The following RBMS3 variants were observed in gnomAD, a reference collection of about 807,000 sequenced individuals.
RBMS3 encodes the protein RNA-binding motif, single-stranded-interacting protein 3.
In RBMS3, 27 loss-of-function variants were observed where a neutral mutation model predicts 66.8. The observed-to-expected ratio is 0.40, with a 90% CI of 0.30 to 0.56. RBMS3 has a LOEUF of 0.56. Ranked by LOEUF, RBMS3 falls within the 20% of genes least tolerant of loss-of-function variation. The pLI is 0.40. For synonymous variants in RBMS3, 188 were observed against 183.0 expected, an observed-to-expected ratio of 1.03 and a Z score of -0.22; for missense variants, 513 against 549.5, an observed-to-expected ratio of 0.93 and a Z score of 0.66.
chr3:29,322,790 A>G lies in RBMS3; in HGVS notation c.75+41034A>G, dbSNP rs2035084775. ...CTCAAGACAAGGAGAGGGTTTATAA[A>G]TGATTGACAGAAGCTCTTTAGCTAC... On this transcript the variant is annotated intron_variant, in intron 1 of 14. Transcript: ENST00000383767. Among the ~76,000 whole-genome samples, 4 of 152,120 alleles carry G rather than the reference A, an allele frequency of 2.6e-5. No individual in the cohort carries two copies. The South Asian group carries it at 8.3e-4, about 31-fold the overall frequency.
intron 1 of RBMS3, among the ~76,000 whole-genome samples, chr3:29,350,124 C>T (rs996616110): frequency 1.3e-5 from 2 of 149,602 alleles, no homozygotes; most frequent in Non-Finnish European, 3.0e-5. Flanking sequence ...CTCACCATTG[C>T]ACTCCAGCCT....
At chr3:29,841,579 C>T (rs1404332806) in intron 6 of RBMS3, among the ~76,000 whole-genome samples, 3 of 151,992 alleles carry the variant, frequency 2.0e-5, no homozygotes, top group African/African-American at 7.2e-5. Context: ...CCATGTACTG[C>T]ACCTTATTTG....
At chr3:29,828,408 T>C (rs1035833158) in intron 6 of RBMS3, among the ~76,000 whole-genome samples, 2 of 152,174 alleles carry the variant, frequency 1.3e-5, no homozygotes, top group Non-Finnish European at 1.5e-5. Context: ...TCAGTTGATA[T>C]GCACATTTAC....
At chr3:29,444,960 T>C (rs2041769896) in intron 2 of RBMS3, among the ~76,000 whole-genome samples, 1 of 151,554 alleles carries the variant, frequency 6.6e-6, no homozygotes, top group Non-Finnish European at 1.5e-5. Context: ...TTTCTTTTCC[T>C]GTCTGTTTCC....
intron 2 of RBMS3, among the ~76,000 whole-genome samples, chr3:29,437,033 G>T (rs1575811957): frequency 6.6e-6 from 1 of 152,192 alleles, no homozygotes; most frequent in South Asian, 2.1e-4. Flanking sequence ...TTTCTTAAAA[G>T]ACTGGGTTGG....
chr3:29,841,860 G>A (rs1431002747), intron 6 of RBMS3, among the ~76,000 whole-genome samples: 3 of 151,932 alleles, frequency 2.0e-5, no homozygotes, highest in African/African-American at 7.2e-5. Context: ...ACTTTCATAA[G>A]TGTTTCCATT....
chr3:29,309,144 G>C lies in RBMS3; in HGVS notation c.75+27388G>C, dbSNP rs964803918. ...AGTACTTTGATTCATGGGCATGAAG[G>C]ATACAGAGCTTTCAAAAGTGAGTCC... is the stretch of plus-strand genomic sequence containing the variant. On this transcript the variant is annotated intron_variant, in intron 1 of 14. Transcript: ENST00000383767. Among the ~76,000 whole-genome samples the C allele has an allele frequency of 5.9e-5, 9 of 151,734 alleles. 1 individual carries two copies. The highest frequency in any genetic ancestry group is 2.2e-4 in the African/African-American group (9 of 41,370).
chr3:29,599,309 T>G (rs2048067101), intron 4 of RBMS3, among the ~76,000 whole-genome samples: 1 of 151,740 alleles, frequency 6.6e-6, no homozygotes. Context: ...CCATTCTCCA[T>G]GATGTGCTTA....
intron 4 of RBMS3, among the ~76,000 whole-genome samples, chr3:29,628,667 CATT>C (rs1427485786): frequency 2.0e-5 from 3 of 151,772 alleles, no homozygotes; most frequent in African/African-American, 2.4e-5. Context: ...ATATGTTCAT[CATT>C]ATTTCATATA....
chr3:29,323,227 A>G (rs181567020), intron 1 of RBMS3, among the ~76,000 whole-genome samples: 2 of 152,242 alleles, frequency 1.3e-5, no homozygotes, highest in African/African-American at 4.8e-5. Context: ...GACATAAATT[A>G]TTTTTATGTT....
intron 4 of RBMS3, among the ~76,000 whole-genome samples, chr3:29,703,219 C>T (rs1440517): frequency 0.098 from 14,945 of 152,148 alleles, 2,406 homozygotes; most frequent in African/African-American, 0.33. Flanking sequence ...TAGTTTGTTT[C>T]GAGGGTCCAC....
At chr3:29,842,917 G>A (rs548211314) in intron 6 of RBMS3, among the ~76,000 whole-genome samples, 1 of 152,288 alleles carries the variant, frequency 6.6e-6, no homozygotes, top group South Asian at 2.1e-4. Context: ...GGGCCCTACT[G>A]ATATTTTAAT....
intron 6 of RBMS3, among the ~76,000 whole-genome samples, chr3:29,833,376 A>G (rs1051326409): frequency 2.0e-5 from 3 of 152,208 alleles, no homozygotes; most frequent in African/African-American, 7.2e-5. Context: ...AATTGTTTTA[A>G]GGGAACAATT....
intron 3 of RBMS3, among the ~76,000 whole-genome samples, chr3:29,517,575 G>A (rs373057813): frequency 6.3e-4 from 96 of 152,078 alleles, no homozygotes; most frequent in African/African-American, 2.1e-3. Context: ...CGCCTTCCTC[G>A]GCCTCCCGAA....
chr3:29,625,747 C>A (rs898191310), intron 4 of RBMS3, among the ~76,000 whole-genome samples: 3 of 129,454 alleles, frequency 2.3e-5, no homozygotes, highest in African/African-American at 1.0e-4. Flanking sequence ...TAAAAATAAT[C>A]TTTTCTTGGT....
At chr3:29,914,988 A>T (rs2060603232) in intron 10 of RBMS3, among the ~76,000 whole-genome samples, 1 of 151,888 alleles carries the variant, frequency 6.6e-6, no homozygotes, top group African/African-American at 2.4e-5. Flanking sequence ...CCAAGAAAGC[A>T]ATAAACCTTT....
At chr3:29,644,825 A>G (rs1434246317) in intron 4 of RBMS3, among the ~76,000 whole-genome samples, 1 of 152,206 alleles carries the variant, frequency 6.6e-6, no homozygotes, top group African/African-American at 2.4e-5. Flanking sequence ...GTGTACTTCA[A>G]TCCACTAAGG....
intron 4 of RBMS3, among the ~76,000 whole-genome samples, chr3:29,628,368 A>G (rs922610974): frequency 6.6e-6 from 1 of 152,164 alleles, no homozygotes; most frequent in Non-Finnish European, 1.5e-5. Context: ...TGGCTGTGTC[A>G]GTGATTCTCT....
intron 3 of RBMS3, among the ~76,000 whole-genome samples, chr3:29,514,656 T>TTC (rs1314195656): frequency 7.2e-6 from 1 of 137,976 alleles, no homozygotes; most frequent in African/African-American, 2.8e-5. Context: ...GGCACATATA[T>TTC]ATATATATAT....
Sources: gnomAD v4.1 joint callset for allele counts (sites outside exome capture counted in the v4.1 genomes callset) on GRCh38, gnomAD v4.1.1 for gene constraint, MANE v1.5 for transcripts, NCBI Gene and HGNC (gene_info 2026-07-23, HGNC 2026-07-21) for gene names.